RNF123: variants seen among roughly 807,000 people sequenced by gnomAD.
RNF123 encodes the protein ring finger protein 123.
RNF123 carries 86 observed loss-of-function variants against 168.5 expected under a neutral mutation model. The observed-to-expected ratio is 0.51, with a 90% confidence interval of 0.43 to 0.61. The LOEUF (loss-of-function observed/expected upper bound fraction) is 0.61. RNF123 is among the 20% of genes least tolerant of loss of function. RNF123 has a pLI of 0.00. For synonymous variants in RNF123, 666 were observed against 689.1 expected (o/e 0.97, Z 0.52); for missense variants, 1,419 against 1,729.7 (o/e 0.82, Z 3.19).
chr3:49,719,484 C>G, intron 35 of RNF123: 4 of 1,590,346 alleles, frequency 2.5e-6, no homozygotes, highest in Non-Finnish European at 2.6e-6. Flanking sequence ...CCACCAGGGA[C>G]AGTACAGAGC....
At chr3:49,720,335 A>C in intron 35 of RNF123, 176 bp from the exon 36 acceptor site, 2 of 483,440 alleles carry the variant, frequency 4.1e-6, no homozygotes, top group Non-Finnish European at 3.4e-6. Context: ...AAAAAAAAAC[A>C]GGCTGTGTGG....
intron 31 of RNF123, 99 bp downstream of exon 31, chr3:49,714,273 T>G: frequency 9.0e-7 from 1 of 1,106,960 alleles, no homozygotes; most frequent in Non-Finnish European, 1.4e-6. Context: ...CCAGCCCCTC[T>G]CTGGTTCCCC....
At chr3:49,705,237 G>A (rs2054492093) in intron 23 of RNF123, 55 bp downstream of exon 23, 1 of 1,544,666 alleles carries the variant, frequency 6.5e-7, no homozygotes, top group African/African-American at 1.4e-5. Context: ...ACAGTGTACA[G>A]TCCCCGATCC....
Position 49,705,010 on chromosome 3 carries a change from G to A in RNF123, c.1986G>A (p.Gly662=), listed in dbSNP as rs762147999. The A allele has an allele frequency of 1.2e-6, 2 of 1,608,110 alleles. No homozygotes were observed. The highest frequency in any genetic ancestry group is 1.7e-5 in the Admixed American group (1 of 59,516). Residue 662 remains glycine, a synonymous_variant, in exon 23 of 39, where the codon GGG becomes GGA. Coordinates refer to ENST00000327697, the MANE Select transcript of RNF123 (RefSeq NM_022064.5). ...GCCCCATGCAGGCCCTGGCTGTTGG[G>A]GGGCCACTGCCCCTGCCCCGGCCCG... ...AQRPMQALAV[G]GPLPLPRPGW...
rs776064881 is a variant in RNF123, at chr3:49,699,794, A to T, written c.984+22A>T. 1 of 1,605,924 alleles carries T rather than the reference A, an allele frequency of 6.2e-7. No individual in the cohort carries two copies. Among genetic ancestry groups the T allele is most frequent in the Non-Finnish European group, 8.5e-7 (1 of 1,174,088 alleles). The stretch of plus-strand genomic sequence containing the variant: ...TCTGGTGAGCGGCATTGGGAGGGGC[A>T]TGGGAGGGGAGGAGACAGGCCATGC... On this transcript the variant is annotated intron_variant, in intron 12 of 38. Coordinates refer to ENST00000327697, the MANE Select transcript of RNF123 (RefSeq NM_022064.5). This position sits in a 1 kb window ranked among gnomAD's most constrained non-coding sequence, Gnocchi z 4.8.
intron 35 of RNF123, chr3:49,719,202 G>A (rs771569028): frequency 5.6e-6 from 9 of 1,613,186 alleles, no homozygotes; most frequent in African/African-American, 4.0e-5. Flanking sequence ...GGTGCAGGGC[G>A]CGCAGCTGGA....
In RNF123 at chr3:49,721,010, C is replaced by A; in HGVS notation, c.3739-10C>A. 6.2e-7 allele frequency: 1 copy of A among 1,610,310 alleles called. No individual in the cohort carries two copies. The highest frequency in any genetic ancestry group is 1.1e-5 in the South Asian group (1 of 90,740). On this transcript the variant is annotated splice_polypyrimidine_tract_variant and intron_variant, in intron 37 of 38. Transcript: ENST00000327697. ...CAACTCCAGCCCACCCTTCACTCTC[C>A]TCCCTGCAGCCCACCAGTGAGGAGG...
chr3:49,716,409 C>A lies in RNF123; in HGVS notation c.3432C>A (p.Asp1144Glu), dbSNP rs771169244. Residue 1144 changes from aspartate to glutamate, a missense_variant, in exon 35 of 39, where the codon GAC becomes GAA. Coordinates refer to ENST00000327697, the MANE Select transcript of RNF123 (RefSeq NM_022064.5). ...TCCCCTCAGGCCTAGAGAGCGTGGA[C>A]CACTATCCCATTCTGGTGGCAGTGA... ...TLRLPGLESV[D>E]HYPILVAVTG... 6.2e-7 allele frequency: 1 copy of A among 1,614,016 alleles called. No homozygotes were observed. Among genetic ancestry groups the A allele is most frequent in the Non-Finnish European group, 8.5e-7 (1 of 1,179,932 alleles).
intron 15 of RNF123, among the ~76,000 whole-genome samples, chr3:49,700,973 C>T (rs1182836021): frequency 2.6e-5 from 4 of 152,264 alleles, no homozygotes; most frequent in South Asian, 2.1e-4. Context: ...CTGCCCTCTT[C>T]GGCCACAGCC....
In RNF123 at chr3:49,714,005, T is replaced by C. The variant is rs2080193355; in HGVS notation, c.2925+8T>C. 6.2e-7 allele frequency: 1 copy of C among 1,613,902 alleles called. No individual in the cohort carries two copies. Among genetic ancestry groups the C allele is most frequent in the African/African-American group, 1.3e-5 (1 of 74,946 alleles). ...CTGGTGCGGCTCTGGAGGGTAAGCC[T>C]GACTCGAGGGGAAGTGGCTGAGGCT... On this transcript the variant is annotated splice_region_variant and intron_variant, in intron 30 of 38. Transcript: ENST00000327697.
At position 49,700,228 on chromosome 3, in the gene RNF123, G is replaced by A. The variant is rs551117534; in HGVS notation, c.986G>A (p.Arg329His). ...CACCAGTGCCTGGCCTTGGTGCAGC[G>A]CAAGGTGTATCTGGTGGAGGCTGTG... is the stretch of plus-strand genomic sequence containing the variant. The part of the protein sequence containing the change: ...HIFHHFAPLL[R>H]KVYLVEAVLM... Residue 329 changes from arginine to histidine, a missense_variant and splice_region_variant, in exon 13 of 39, where the codon CGC (arginine) becomes CAC (histidine). By Grantham distance (29) the Arg-to-His change is conservative. This residue lies in a region of RNF123 where 318 missense variants were observed against 446.6 expected (regional missense o/e 0.71). Transcript: ENST00000327697. 4.2e-5 allele frequency: 67 copies of A among 1,614,024 alleles called. No homozygotes were observed. The highest frequency in any genetic ancestry group is 5.3e-5 in the Non-Finnish European group (62 of 1,180,008).
At chr3:49,707,750 C>T (rs950322365) in intron 26 of RNF123, among the ~76,000 whole-genome samples, 40 of 151,936 alleles carry the variant, frequency 2.6e-4, no homozygotes, top group Admixed American at 2.1e-3. Context: ...CACCTTTTTC[C>T]CATTCGTGAC....
At chr3:49,718,803 CA>C (rs775234438) in intron 35 of RNF123, 1 of 1,613,200 alleles carries the variant, frequency 6.2e-7, no homozygotes. Context: ...AGTCGCAAGG[CA>C]AAGGGTTGTT....
intron 35 of RNF123, 39 bp from the exon 36 acceptor site, chr3:49,720,472 C>G (rs781465640): frequency 1.3e-6 from 2 of 1,513,564 alleles, no homozygotes; most frequent in Non-Finnish European, 1.8e-6. Context: ...TAGCCAGGCC[C>G]CAAGCCTTCT....
chr3:49,701,484 C>A lies in RNF123; in HGVS notation c.1278-7C>A, dbSNP rs781300778. 1.9e-6 allele frequency: 3 copies of A among 1,611,784 alleles called. No individual in the cohort carries two copies. The highest frequency in any genetic ancestry group is 3.3e-5 in the Admixed American group (2 of 60,006). On this transcript the variant is annotated splice_polypyrimidine_tract_variant and splice_region_variant and intron_variant, in intron 15 of 38. Coordinates refer to ENST00000327697, the MANE Select transcript of RNF123 (RefSeq NM_022064.5). ...GGCAAGCAGAGCCCTGCCTTGACAC[C>A]CGCCAGCTTCGACGTGCTCCGCTCC...
chr3:49,697,715 TCCTTCCTGATACAAG>T (rs1454915238), intron 5 of RNF123, among the ~76,000 whole-genome samples, 155 bp from the exon 6 acceptor site: 1 of 152,122 alleles, frequency 6.6e-6, no homozygotes, highest in African/African-American at 2.4e-5. Flanking sequence ...TGGCCCAGGA[TCCTTCCTGATACAAG>T]CCTACCCGCT....
intron 18 of RNF123, 36 bp from the exon 19 acceptor site, chr3:49,702,298 C>T: frequency 6.2e-7 from 1 of 1,610,732 alleles, no homozygotes; most frequent in South Asian, 1.1e-5. Context: ...CCTGCATTCT[C>T]AGCTCAGCAC....
chr3:49,721,128 T>TGGTG, intron 38 of RNF123, 23 bp downstream of exon 38: 1 of 1,613,884 alleles, frequency 6.2e-7, no homozygotes, highest in Non-Finnish European at 8.5e-7. Flanking sequence ...CACAGCTTGG[T>TGGTG]GGTGGGGAGA....
At chr3:49,708,669 T>G (rs1400902383) in intron 26 of RNF123, among the ~76,000 whole-genome samples, 3 of 152,262 alleles carry the variant, frequency 2.0e-5, no homozygotes, top group African/African-American at 7.2e-5. Flanking sequence ...TTTGTTCTTT[T>G]GTGTATGGCT....
Sources: gnomAD v4.1 joint callset for allele counts (sites outside exome capture counted in the v4.1 genomes callset) on GRCh38, gnomAD v4.1.1 for gene constraint, gnomAD v4.1.1 regional missense constraint, Gnocchi (gnomAD v3.1) non-coding constraint, MANE v1.5 for transcripts, NCBI Gene and HGNC (gene_info 2026-07-23, HGNC 2026-07-21) for gene names.